The following CACNA2D3 variants were observed in gnomAD, a reference collection of about 807,000 sequenced individuals.
The protein encoded by CACNA2D3 is voltage-dependent calcium channel subunit alpha-2/delta-3.
In CACNA2D3, 60 loss-of-function variants were observed where a neutral mutation model predicts 160.6. The observed-to-expected ratio is 0.37, with a 90% confidence interval of 0.30 to 0.46. The LOEUF (loss-of-function observed/expected upper bound fraction) is 0.46, where lower values mean the gene tolerates loss of function less well. Ranked by LOEUF, CACNA2D3 falls within the 20% of genes least tolerant of loss-of-function variation. The pLI is 1.00. For synonymous variants in CACNA2D3, 558 were observed against 492.9 expected (o/e 1.13, Z -1.75); for missense variants, 1,205 against 1,365.0 (o/e 0.88, Z 1.85).
chr3:54,894,003 T>C (rs757005532), intron 25 of CACNA2D3, among the ~76,000 whole-genome samples: 4 of 152,160 alleles, frequency 2.6e-5, no homozygotes, highest in Non-Finnish European at 5.9e-5. Context: ...TATGGTGTTA[T>C]GTAATTCTGA....
intron 12 of CACNA2D3, among the ~76,000 whole-genome samples, chr3:54,758,301 G>A (rs1702013270): frequency 6.6e-6 from 1 of 152,140 alleles, no homozygotes; most frequent in Non-Finnish European, 1.5e-5. Flanking sequence ...CATGGAGTTA[G>A]AAATTAAAAT....
At chr3:54,632,900 G>C (rs773885041) in intron 10 of CACNA2D3, 12 of 152,346 alleles carry the variant, frequency 7.9e-5, no homozygotes, top group Admixed American at 3.3e-4. Flanking sequence ...CAGTAGAATA[G>C]TGGTCGCGTG....
chr3:54,820,049 C>G (rs1374906690), intron 14 of CACNA2D3, among the ~76,000 whole-genome samples: 2 of 152,112 alleles, frequency 1.3e-5, no homozygotes, highest in African/African-American at 4.8e-5. Context: ...TGAGCTCTTT[C>G]CAAACCCCTG....
intron 3 of CACNA2D3, among the ~76,000 whole-genome samples, chr3:54,350,652 C>G (rs75022816): frequency 6.6e-6 from 1 of 152,222 alleles, no homozygotes; most frequent in Non-Finnish European, 1.5e-5. Flanking sequence ...CTCAACTGTT[C>G]TGTTATCAAC....
intron 4 of CACNA2D3, among the ~76,000 whole-genome samples, chr3:54,416,427 A>G (rs1030766701): frequency 1.3e-5 from 2 of 151,600 alleles, no homozygotes; most frequent in South Asian, 4.2e-4. Context: ...GGCACCTGAC[A>G]TCTAGTAGCA....
chr3:55,052,213 G>A (rs532810517), intron 35 of CACNA2D3, among the ~76,000 whole-genome samples: 78 of 152,094 alleles, frequency 5.1e-4, no homozygotes, highest in Non-Finnish European at 8.8e-4. Flanking sequence ...AAGCTGTATC[G>A]TTCATTTGAA....
chr3:54,822,790 C>CTTTCTTTT (rs1491160047), intron 14 of CACNA2D3, among the ~76,000 whole-genome samples: 1,183 of 71,918 alleles, frequency 0.016, 44 homozygotes, highest in East Asian at 0.033. Flanking sequence ...TTCTTTCTTT[C>CTTTCTTTT]CTTTCTTTCT....
At chr3:54,643,890 C>T (rs576779452) in intron 11 of CACNA2D3, among the ~76,000 whole-genome samples, 2 of 152,272 alleles carry the variant, frequency 1.3e-5, no homozygotes, top group South Asian at 4.1e-4. Context: ...AGAATGTTCA[C>T]AGATGTCATG....
chr3:54,320,000 A>C (rs1703952703), intron 2 of CACNA2D3, among the ~76,000 whole-genome samples: 1 of 152,186 alleles, frequency 6.6e-6, no homozygotes, highest in African/African-American at 2.4e-5. Flanking sequence ...CGCTGTTGGA[A>C]AAATGAGGAC....
In CACNA2D3 at chr3:54,202,890, T is replaced by A. The variant is rs1461474381; in HGVS notation, c.204+79296T>A. 2.0e-5 allele frequency among the ~76,000 whole-genome samples: 3 copies of A among 152,344 alleles called. No homozygotes were observed. The East Asian group carries it at 5.8e-4, about 29-fold the overall frequency. ...GAGTCCATGTTTGGAGAGGAAATTC[T>A]GCTGTCAAGCAAGGCTTAGGGGAGA... On this transcript the variant is annotated intron_variant, in intron 2 of 37. Transcript: ENST00000474759.
chr3:54,878,903 T>C, intron 18 of CACNA2D3, 115 bp from the exon 19 acceptor site: 1 of 565,618 alleles, frequency 1.8e-6, no homozygotes, highest in Non-Finnish European at 3.1e-6. Context: ...TCAGAAGCTC[T>C]GTTTTCGAGG....
intron 11 of CACNA2D3, among the ~76,000 whole-genome samples, chr3:54,746,839 C>T (rs1701761027): frequency 6.6e-6 from 1 of 152,174 alleles, no homozygotes; most frequent in South Asian, 2.1e-4. Context: ...GAAGACCCAG[C>T]TCAGCAGCTA....
At chr3:54,624,350 C>T (rs956062436) in intron 9 of CACNA2D3, among the ~76,000 whole-genome samples, 10 of 152,166 alleles carry the variant, frequency 6.6e-5, no homozygotes, top group African/African-American at 4.8e-5. Context: ...AGGCTGGGCC[C>T]GGTGGCTCAT....
At chr3:54,928,478 G>A (rs1458461431) in intron 27 of CACNA2D3, among the ~76,000 whole-genome samples, 21 of 152,274 alleles carry the variant, frequency 1.4e-4, no homozygotes, top group Non-Finnish European at 4.4e-5. Context: ...TGTGTAATAT[G>A]AGGACAAATT....
At chr3:54,263,386 T>C (rs964173889) in intron 2 of CACNA2D3, among the ~76,000 whole-genome samples, 2 of 152,186 alleles carry the variant, frequency 1.3e-5, no homozygotes, top group Non-Finnish European at 2.9e-5. Flanking sequence ...GATTGTATCA[T>C]TTAATTATGA....
intron 23 of CACNA2D3, among the ~76,000 whole-genome samples, chr3:54,886,032 G>A (rs1193522389): frequency 6.6e-6 from 1 of 152,180 alleles, no homozygotes; most frequent in Non-Finnish European, 1.5e-5. Context: ...GGTACATGCT[G>A]AGTGCCCTGC....
chr3:54,211,775 A>G (rs1701376236), intron 2 of CACNA2D3, among the ~76,000 whole-genome samples: 1 of 152,310 alleles, frequency 6.6e-6, no homozygotes, highest in East Asian at 1.9e-4. Context: ...ATGCTTTGTG[A>G]AAGGGAAACT....
intron 3 of CACNA2D3, among the ~76,000 whole-genome samples, chr3:54,323,363 AT>A (rs773049919): frequency 2.0e-5 from 3 of 152,170 alleles, no homozygotes. Context: ...TTGCACTGGA[AT>A]GCACCACTGT....
intron 13 of CACNA2D3, among the ~76,000 whole-genome samples, chr3:54,807,381 A>G (rs1703160297): frequency 1.3e-5 from 2 of 152,206 alleles, no homozygotes; most frequent in African/African-American, 4.8e-5. Flanking sequence ...AACCCCATCA[A>G]AAAGTGGGCG....
Sources: gnomAD v4.1 joint callset for allele counts (sites outside exome capture counted in the v4.1 genomes callset) on GRCh38, gnomAD v4.1.1 for gene constraint, MANE v1.5 for transcripts, NCBI Gene and HGNC (gene_info 2026-07-23, HGNC 2026-07-21) for gene names.